The following GPC5 variants were observed in gnomAD, a reference collection of about 807,000 sequenced individuals.
GPC5 encodes the protein glypican-5.
GPC5 carries 47 observed loss-of-function variants against 53.9 expected under a neutral mutation model. The observed-to-expected ratio is 0.87, with a 90% CI of 0.69 to 1.11. GPC5 has a LOEUF of 1.11. GPC5 is among the 50% of genes most tolerant of loss of function. The pLI, the probability that GPC5 is intolerant of heterozygous loss-of-function variation, is 0.00. For missense variants in GPC5, 748 were observed against 713.1 expected, an observed-to-expected ratio of 1.05 and a Z score of -0.56; for synonymous variants, 286 against 263.3, an observed-to-expected ratio of 1.09 and a Z score of -0.84.
intron 1 of GPC5, among the ~76,000 whole-genome samples, chr13:91,441,204 T>C (rs1880396438): frequency 6.6e-6 from 1 of 152,246 alleles, no homozygotes; most frequent in Non-Finnish European, 1.5e-5. Context: ...TAATGGTTTC[T>C]ATCTGTAAGA....
chr13:91,730,745 G>T (rs1236768178), intron 4 of GPC5, among the ~76,000 whole-genome samples: 2 of 152,150 alleles, frequency 1.3e-5, no homozygotes, highest in African/African-American at 4.8e-5. Context: ...CTGTAAATGG[G>T]CTAGAGCAAC....
In GPC5 at chr13:91,693,836, T is replaced by C; in HGVS notation, c.975T>C (p.Asp325=). 6.2e-7 allele frequency: 1 copy of C among 1,611,290 alleles called. No individual in the cohort carries two copies. The highest frequency in any genetic ancestry group is 8.5e-7 in the Non-Finnish European group (1 of 1,179,698). ...VLLNFHLLVN[D]AVLQAHLNGQ... ...TGAACTTTCACTTGCTTGTTAATGA[T>C]GCTGTGTTACAGGCTCACCTCAATG... Residue 325 remains aspartate, a synonymous_variant, in exon 3 of 8, where the codon GAT becomes GAC. Transcript: ENST00000377067.
chr13:91,998,350 T>A (rs2040523849), intron 6 of GPC5, among the ~76,000 whole-genome samples: 1 of 152,204 alleles, frequency 6.6e-6, no homozygotes, highest in South Asian at 2.1e-4. Context: ...GGCATTTCTA[T>A]GTAACTTTCT....
chr13:91,807,007 G>C (rs1292968160), intron 5 of GPC5, among the ~76,000 whole-genome samples: 1 of 152,056 alleles, frequency 6.6e-6, no homozygotes, highest in Admixed American at 6.6e-5. Context: ...GTTGTCCAAA[G>C]AGAAGTGTGC....
chr13:91,846,375 G>A (rs541994671), intron 5 of GPC5, among the ~76,000 whole-genome samples: 14 of 152,028 alleles, frequency 9.2e-5, no homozygotes, highest in Non-Finnish European at 1.3e-4. Context: ...TTCTGCCAGC[G>A]TAACAATTTT....
chr13:91,977,117 A>C (rs1385728952), intron 6 of GPC5, among the ~76,000 whole-genome samples: 1 of 152,132 alleles, frequency 6.6e-6, no homozygotes, highest in East Asian at 1.9e-4. Flanking sequence ...ATGTTTATCC[A>C]AAAAACAGTA....
chr13:91,755,004 A>G (rs990369879), intron 4 of GPC5, among the ~76,000 whole-genome samples: 22 of 152,120 alleles, frequency 1.4e-4, no homozygotes, highest in African/African-American at 4.8e-4. Flanking sequence ...TTGATGTTAC[A>G]TATTTGAAAG....
chr13:91,898,650 CT>C (rs1202819549), intron 5 of GPC5, among the ~76,000 whole-genome samples: 3 of 149,888 alleles, frequency 2.0e-5, no homozygotes, highest in African/African-American at 7.4e-5. Flanking sequence ...CTTTCCAGCT[CT>C]AAATTTATGT....
chr13:92,236,846 A>ATT lies in GPC5; in HGVS notation c.1561+91866_1561+91867dup, dbSNP rs71120077. 5.6e-3 allele frequency among the ~76,000 whole-genome samples: 834 copies of ATT among 149,788 alleles called. 2 individuals are homozygous for ATT. Among genetic ancestry groups the ATT allele is most frequent in the African/African-American group, 0.018 (722 of 40,960 alleles). ...CACAGGGTTCTATATATTTATCAGC[A>ATT]TTTTTTTTTTGTTTTGATTACCTCT... On this transcript the variant is annotated intron_variant, in intron 7 of 7. Coordinates refer to ENST00000377067, the MANE Select transcript of GPC5 (RefSeq NM_004466.6).
At chr13:92,381,841 G>GA (rs1566565126) in intron 7 of GPC5, among the ~76,000 whole-genome samples, 5 of 62,962 alleles carry the variant, frequency 7.9e-5, no homozygotes, top group Non-Finnish European at 1.7e-4. Flanking sequence ...ATATTATATT[G>GA]TATATGATCA....
chr13:91,399,320 C>G, intron 1 of GPC5, 111 bp downstream of exon 1: 1 of 1,302,396 alleles, frequency 7.7e-7, no homozygotes, highest in Admixed American at 2.4e-5. Flanking sequence ...GCCCTGCAGC[C>G]GCGCAGGGTG....
chr13:92,418,455 A>G (rs1876415551), intron 7 of GPC5, among the ~76,000 whole-genome samples: 2 of 152,194 alleles, frequency 1.3e-5, no homozygotes, highest in African/African-American at 4.8e-5. Context: ...AGTTGATTTT[A>G]AAGAATCTCC....
chr13:92,752,851 TCTCG>T (rs939383060), intron 7 of GPC5, among the ~76,000 whole-genome samples: 12 of 150,934 alleles, frequency 8.0e-5, no homozygotes, highest in African/African-American at 2.7e-4. Flanking sequence ...GCCCAGGGAG[TCTCG>T]CTGATTGCTA....
chr13:92,185,539 A>G (rs2042177776), intron 7 of GPC5, among the ~76,000 whole-genome samples: 1 of 152,140 alleles, frequency 6.6e-6, no homozygotes, highest in Non-Finnish European at 1.5e-5. Flanking sequence ...TCACCACAAT[A>G]AGAAGAAATG....
chr13:92,069,317 T>C (rs1430955074), intron 6 of GPC5, among the ~76,000 whole-genome samples: 2 of 152,110 alleles, frequency 1.3e-5, no homozygotes, highest in Admixed American at 1.3e-4. Flanking sequence ...TTGGGTACTT[T>C]ATTATATTAG....
At chr13:92,425,539 A>G (rs1427003370) in intron 7 of GPC5, among the ~76,000 whole-genome samples, 2 of 152,092 alleles carry the variant, frequency 1.3e-5, no homozygotes, top group Non-Finnish European at 2.9e-5. Flanking sequence ...AAAATCAAAC[A>G]ACTAAGGAGT....
intron 2 of GPC5, among the ~76,000 whole-genome samples, chr13:91,520,174 T>C (rs1489701958): frequency 6.6e-6 from 1 of 152,100 alleles, no homozygotes; most frequent in Non-Finnish European, 1.5e-5. Flanking sequence ...TGATATGGGG[T>C]GAAATATAAA....
At chr13:92,220,885 A>G (rs2042443620) in intron 7 of GPC5, among the ~76,000 whole-genome samples, 2 of 152,100 alleles carry the variant, frequency 1.3e-5, no homozygotes, top group South Asian at 4.1e-4. Context: ...TTGATTGTTC[A>G]TATGTTGATA....
intron 7 of GPC5, among the ~76,000 whole-genome samples, chr13:92,770,730 G>A (rs993884696): frequency 7.2e-5 from 11 of 152,128 alleles, no homozygotes; most frequent in African/African-American, 2.7e-4. Flanking sequence ...AGTTTAATGA[G>A]TGGTTTTCAG....
Sources: gnomAD v4.1 joint callset for allele counts (sites outside exome capture counted in the v4.1 genomes callset) on GRCh38, gnomAD v4.1.1 for gene constraint, MANE v1.5 for transcripts, NCBI Gene and HGNC (gene_info 2026-07-23, HGNC 2026-07-21) for gene names.